The following GPR89B variants were observed in gnomAD, a reference collection of about 807,000 sequenced individuals.
The protein encoded by GPR89B is golgi pH regulator B.
A neutral mutation model predicts 52.4 loss-of-function variants in GPR89B; 25 were observed. The ratio of observed to expected loss-of-function variants is 0.48; its 90% confidence interval spans 0.35 to 0.67. The LOEUF (loss-of-function observed/expected upper bound fraction) is 0.67, where lower values mean the gene tolerates loss of function less well. GPR89B is among the 30% of genes least tolerant of loss of function. The pLI, the probability that GPR89B is intolerant of heterozygous loss-of-function variation, is 0.01. For synonymous variants in GPR89B, 52 were observed against 151.2 expected (o/e 0.34, Z 4.81); for missense variants, 146 against 450.2 (o/e 0.32, Z 6.11).
At chr1:147,979,097 AACT>A (rs1658053358) in intron 10 of GPR89B, among the ~76,000 whole-genome samples, 1 of 151,370 alleles carries the variant, frequency 6.6e-6, no homozygotes, top group African/African-American at 2.4e-5. Context: ...TGGGGGTGGG[AACT>A]CCCCTTGCCC....
chr1:148,014,636 C>T, the GPR89B span: 3 of 152,074 alleles, frequency 2.0e-5, no homozygotes, highest in Non-Finnish European at 4.4e-5. Context: ...AGGGTCACCA[C>T]CTTCTCCTCT....
intron 7 of GPR89B, among the ~76,000 whole-genome samples, chr1:147,960,562 A>C (rs1188714229): frequency 2.0e-5 from 3 of 151,676 alleles, no homozygotes; most frequent in Non-Finnish European, 2.9e-5. Context: ...TCAGATCCAT[A>C]AAAATTCAGG....
chr1:147,995,166 T>G (rs1481076966), downstream of GPR89B, among the ~76,000 whole-genome samples: 3 of 151,512 alleles, frequency 2.0e-5, no homozygotes, highest in Non-Finnish European at 2.9e-5. Context: ...TTTAATATAG[T>G]TAATCTTAGT....
intron 3 of GPR89B, among the ~76,000 whole-genome samples, chr1:147,940,443 G>A (rs1654467838): frequency 6.6e-6 from 1 of 151,512 alleles, no homozygotes; most frequent in Admixed American, 6.6e-5. Context: ...ACCTTTTCTT[G>A]GATGAGCTAG....
At chr1:148,002,777 A>G in the GPR89B span, among the ~76,000 whole-genome samples, 1 of 152,284 alleles carries the variant, frequency 6.6e-6, no homozygotes, top group Non-Finnish European at 1.5e-5. Flanking sequence ...TGTACTACAC[A>G]TCATGTGCCA....
At chr1:148,005,825 G>C in the GPR89B span, among the ~76,000 whole-genome samples, 1 of 151,920 alleles carries the variant, frequency 6.6e-6, no homozygotes, top group Non-Finnish European at 1.5e-5. Flanking sequence ...TTTTGTGGCT[G>C]TCCAAGACCA....
intron 7 of GPR89B, among the ~76,000 whole-genome samples, chr1:147,959,620 G>C (rs1470966155): frequency 6.6e-6 from 1 of 152,052 alleles, no homozygotes; most frequent in Admixed American, 6.5e-5. Context: ...ACATTTAAAG[G>C]GGAAATTTTG....
At chr1:147,979,997 G>T (rs1658119185) in intron 10 of GPR89B, among the ~76,000 whole-genome samples, 1 of 150,862 alleles carries the variant, frequency 6.6e-6, no homozygotes, top group African/African-American at 2.5e-5. Flanking sequence ...ATGGTGGGAG[G>T]ATCGCTTGAG....
At chr1:147,999,946 G>A in the GPR89B span, among the ~76,000 whole-genome samples, 1 of 152,142 alleles carries the variant, frequency 6.6e-6, no homozygotes, top group Non-Finnish European at 1.5e-5. Context: ...GGAATTCCAA[G>A]TATGGTCTGA....
intron 5 of GPR89B, among the ~76,000 whole-genome samples, chr1:147,949,109 G>C (rs587742170): frequency 1.0e-3 from 153 of 152,266 alleles, no homozygotes; most frequent in African/African-American, 3.5e-3. Flanking sequence ...TCACAAGGCA[G>C]AAGAATTTTT....
chr1:147,952,976 T>C (rs1229079704), intron 5 of GPR89B, among the ~76,000 whole-genome samples: 1 of 150,568 alleles, frequency 6.6e-6, no homozygotes, highest in Admixed American at 6.6e-5. Flanking sequence ...TTTATACTTT[T>C]CCAGCAGATT....
At chr1:147,951,716 G>A (rs1655717341) in intron 5 of GPR89B, among the ~76,000 whole-genome samples, 1 of 151,934 alleles carries the variant, frequency 6.6e-6, no homozygotes, top group Non-Finnish European at 1.5e-5. Context: ...TGGCGTAGGG[G>A]CAAGCTGGCT....
At chr1:147,970,549 C>CTCTATCTA (rs1657382260) in intron 10 of GPR89B, among the ~76,000 whole-genome samples, 6 of 124,562 alleles carry the variant, frequency 4.8e-5, no homozygotes, top group African/African-American at 1.8e-4. Flanking sequence ...CTATCTCTCT[C>CTCTATCTA]TCTCTATCTC....
chr1:147,957,925 G>A (rs1315233231), intron 7 of GPR89B, among the ~76,000 whole-genome samples: 1 of 151,552 alleles, frequency 6.6e-6, no homozygotes, highest in Non-Finnish European at 1.5e-5. Flanking sequence ...GTAGCCGGGC[G>A]TGGTGGTGGG....
intron 10 of GPR89B, among the ~76,000 whole-genome samples, chr1:147,978,701 C>T (rs1658021158): frequency 6.6e-6 from 1 of 151,760 alleles, no homozygotes; most frequent in Admixed American, 6.5e-5. Flanking sequence ...AGGGAGGCCT[C>T]GCCTAGTGAG....
At chr1:148,013,548 T>C in the GPR89B span, among the ~76,000 whole-genome samples, 1 of 151,996 alleles carries the variant, frequency 6.6e-6, no homozygotes, top group Non-Finnish European at 1.5e-5. Context: ...CGAGTGTCTT[T>C]CATGGGTAAG....
chr1:147,968,379 A>G (rs1206212799), intron 8 of GPR89B: 5 of 453,958 alleles, frequency 1.1e-5, no homozygotes, highest in Middle Eastern at 6.9e-4. Flanking sequence ...GCATAAGACA[A>G]TCCCATGAAG....
chr1:147,994,223 C>T, downstream of GPR89B: 1 of 1,601,234 alleles, frequency 6.2e-7, no homozygotes, highest in Middle Eastern at 2.3e-4. Flanking sequence ...GGTCGCAACT[C>T]ATTCTTTGAG....
the GPR89B span, chr1:148,010,260 T>A: frequency 1.3e-5 from 2 of 152,242 alleles, no homozygotes; most frequent in East Asian, 1.9e-4. Flanking sequence ...TTCTCTCTTG[T>A]GCAGATCTCT....
Sources: allele counts gnomAD v4.1 joint callset (sites outside exome capture counted in the v4.1 genomes callset), GRCh38; gene constraint gnomAD v4.1.1; transcripts MANE v1.5; gene names NCBI Gene and HGNC (gene_info 2026-07-23, HGNC 2026-07-21).